The following ADAMTSL1 variants were observed in gnomAD, a reference collection of about 807,000 sequenced individuals.
ADAMTSL1 encodes ADAMTS like 1.
ADAMTSL1 carries 126 observed loss-of-function variants against 201.8 expected under a neutral mutation model. The observed-to-expected ratio is 0.62, with a 90% confidence interval of 0.54 to 0.72. The LOEUF is 0.72. ADAMTSL1 is among the 30% of genes least tolerant of loss of function. ADAMTSL1 has a pLI of 0.00. For missense variants in ADAMTSL1, 2,679 were observed against 2,277.8 expected, an observed-to-expected ratio of 1.18 and a Z score of -3.59; for synonymous variants, 1,121 against 903.4, an observed-to-expected ratio of 1.24 and a Z score of -4.32.
intron 3 of ADAMTSL1, among the ~76,000 whole-genome samples, chr9:18,568,312 G>T (rs2132324565): frequency 6.6e-6 from 1 of 152,142 alleles, no homozygotes. Flanking sequence ...AAGTAACAAA[G>T]ACCAAAATAT....
At chr9:18,823,550 C>T (rs368301794) in intron 21 of ADAMTSL1, among the ~76,000 whole-genome samples, 1 of 152,160 alleles carries the variant, frequency 6.6e-6, no homozygotes, top group Non-Finnish European at 1.5e-5. Context: ...GTTCCACCCT[C>T]CCTTCTCCCC....
chr9:18,673,602 C>T (rs886199177), intron 9 of ADAMTSL1, among the ~76,000 whole-genome samples: 1 of 152,206 alleles, frequency 6.6e-6, no homozygotes, highest in African/African-American at 2.4e-5. Context: ...TTCTCCTTCA[C>T]TTCAGCTTGT....
intron 2 of ADAMTSL1, among the ~76,000 whole-genome samples, chr9:18,250,155 A>G (rs901298006): frequency 6.6e-6 from 1 of 152,332 alleles, no homozygotes; most frequent in Non-Finnish European, 1.5e-5. Flanking sequence ...TATTTTAAGT[A>G]CATTTGAACT....
intron 2 of ADAMTSL1, among the ~76,000 whole-genome samples, chr9:18,270,224 G>T (rs902381090): frequency 1.1e-4 from 16 of 152,042 alleles, no homozygotes; most frequent in African/African-American, 3.9e-4. Flanking sequence ...TCACAAGGTA[G>T]AAGGGACTAG....
intron 5 of ADAMTSL1, among the ~76,000 whole-genome samples, chr9:18,624,192 A>T (rs58216975): frequency 0.013 from 2,026 of 152,350 alleles, 59 homozygotes; most frequent in African/African-American, 0.046. Context: ...AAAAAATAAA[A>T]TAAATTTAAA....
chr9:18,206,933 G>C (rs1447425725), intron 2 of ADAMTSL1, among the ~76,000 whole-genome samples: 1 of 152,112 alleles, frequency 6.6e-6, no homozygotes, highest in Admixed American at 6.5e-5. Flanking sequence ...GAGAGGCCGA[G>C]GTGGGTGAAT....
intron 2 of ADAMTSL1, among the ~76,000 whole-genome samples, chr9:18,316,095 A>G (rs996227153): frequency 6.6e-5 from 10 of 152,168 alleles, no homozygotes; most frequent in Non-Finnish European, 1.3e-4. Flanking sequence ...GCAAGTTTTT[A>G]TTAGGGATTT....
At chr9:17,992,898 C>G (rs552466314) in intron 1 of ADAMTSL1, among the ~76,000 whole-genome samples, 1 of 152,252 alleles carries the variant, frequency 6.6e-6, no homozygotes, top group Non-Finnish European at 1.5e-5. Context: ...GCTATTCCAG[C>G]ATTACACATA....
rs538023215 is a variant in ADAMTSL1 at position 18,525,270 on chromosome 9, G to T, written c.192-7977G>T. ...TTCTCTGATGGTAGTTTGTATTTCT[G>T]TGGGATCAGTGGTGATATCCCCTTT... On this transcript the variant is annotated intron_variant, in intron 2 of 28. Coordinates refer to ENST00000380548, the MANE Select transcript of ADAMTSL1 (RefSeq NM_001040272.6). 1.6e-4 allele frequency among the ~76,000 whole-genome samples: 25 copies of T among 152,274 alleles called. 1 individual carries two copies. The highest frequency in any genetic ancestry group is 3.4e-3 in the Middle Eastern group (1 of 294).
intron 1 of ADAMTSL1, among the ~76,000 whole-genome samples, chr9:18,144,637 A>G (rs1826550712): frequency 6.6e-6 from 1 of 152,028 alleles, no homozygotes; most frequent in Non-Finnish European, 1.5e-5. Context: ...CCCATTATTT[A>G]CTTTCTATTT....
intron 2 of ADAMTSL1, among the ~76,000 whole-genome samples, chr9:18,224,412 C>T (rs1302777222): frequency 6.6e-6 from 1 of 152,080 alleles, no homozygotes; most frequent in African/African-American, 2.4e-5. Flanking sequence ...ATTCTGCCAT[C>T]ATAACCTAAA....
chr9:18,696,816 G>A (rs1207295975), intron 13 of ADAMTSL1, among the ~76,000 whole-genome samples: 1 of 151,378 alleles, frequency 6.6e-6, no homozygotes, highest in Non-Finnish European at 1.5e-5. Flanking sequence ...ATTTTCAAAA[G>A]GGTACAATCA....
chr9:18,832,128 C>G (rs995011086), intron 23 of ADAMTSL1, among the ~76,000 whole-genome samples: 2 of 152,196 alleles, frequency 1.3e-5, no homozygotes, highest in Non-Finnish European at 2.9e-5. Context: ...TCAAAACGAA[C>G]AAGCCTCAGC....
intron 3 of ADAMTSL1, among the ~76,000 whole-genome samples, chr9:18,571,055 C>T (rs777442348): frequency 5.9e-5 from 9 of 152,150 alleles, no homozygotes; most frequent in Non-Finnish European, 1.2e-4. Flanking sequence ...CATTGGTTTA[C>T]CTTTGACTGC....
At chr9:18,144,385 T>C (rs934689567) in intron 1 of ADAMTSL1, among the ~76,000 whole-genome samples, 4 of 152,040 alleles carry the variant, frequency 2.6e-5, no homozygotes, top group African/African-American at 9.7e-5. Flanking sequence ...TTTGTATTTT[T>C]AGTAGAGACA....
At chr9:18,016,498 C>A (rs147617801) in intron 1 of ADAMTSL1, among the ~76,000 whole-genome samples, 2 of 151,986 alleles carry the variant, frequency 1.3e-5, no homozygotes, top group Non-Finnish European at 2.9e-5. Flanking sequence ...AAATATTTTC[C>A]CCAACATTTG....
intron 1 of ADAMTSL1, among the ~76,000 whole-genome samples, chr9:18,059,479 G>T (rs528309210): frequency 3.9e-5 from 6 of 152,216 alleles, no homozygotes; most frequent in South Asian, 2.1e-4. Flanking sequence ...ATTCAAGCCT[G>T]GTAACACTTT....
intron 2 of ADAMTSL1, among the ~76,000 whole-genome samples, chr9:18,419,991 G>T (rs900510372): frequency 6.6e-6 from 1 of 152,098 alleles, no homozygotes; most frequent in African/African-American, 2.4e-5. Context: ...GCCTTCCAAA[G>T]TGCTGGGATT....
intron 2 of ADAMTSL1, among the ~76,000 whole-genome samples, chr9:18,316,569 G>A (rs1362264091): frequency 6.6e-6 from 1 of 152,106 alleles, no homozygotes; most frequent in Non-Finnish European, 1.5e-5. Context: ...TGGCTCACTG[G>A]TGGTCAGAGT....
Sources: gnomAD v4.1 joint callset for allele counts (sites outside exome capture counted in the v4.1 genomes callset) on GRCh38, gnomAD v4.1.1 for gene constraint, MANE v1.5 for transcripts, NCBI Gene and HGNC (gene_info 2026-07-23, HGNC 2026-07-21) for gene names.